Variants in FRMD1 observed in about 807,000 individuals in gnomAD.
The protein encoded by FRMD1 is FERM domain-containing protein 1.
A neutral mutation model predicts 54.9 loss-of-function variants in FRMD1; 51 were observed. The ratio of observed to expected loss-of-function variants is 0.93; its 90% CI spans 0.74 to 1.17. The LOEUF is 1.17. Among genes scored for constraint, FRMD1 ranks in the 50% most tolerant of loss-of-function variants. FRMD1 has a pLI of 0.00. For missense variants in FRMD1, 729 were observed against 743.0 expected (o/e 0.98, Z 0.22); for synonymous variants, 324 against 306.4 (o/e 1.06, Z -0.60).
chr6:168,065,137 C>A, intron 4 of FRMD1, 80 bp from the exon 5 acceptor site: 1 of 1,500,430 alleles, frequency 6.7e-7, no homozygotes, highest in African/African-American at 1.4e-5. Context: ...TGTCCCTCCC[C>A]ACACCAGCTC....
At chr6:168,067,209 A>C in intron 3 of FRMD1, 158 bp downstream of exon 3, 1 of 648,274 alleles carries the variant, frequency 1.5e-6, no homozygotes. Context: ...GCATCCCACC[A>C]CTGTCCACCG....
At chr6:168,087,622 G>A (rs1562435933) in intron 1 of FRMD1, among the ~76,000 whole-genome samples, 1 of 152,232 alleles carries the variant, frequency 6.6e-6, no homozygotes, top group Non-Finnish European at 1.5e-5. Context: ...GTGGACTGGC[G>A]TGTGCAATGC....
At chr6:168,062,763 G>T (rs1029664303) in intron 7 of FRMD1, 131 bp downstream of exon 7, 1 of 1,584,604 alleles carries the variant, frequency 6.3e-7, no homozygotes, top group South Asian at 1.1e-5. Flanking sequence ...GAGGCAGGGC[G>T]CGTCCAGGCA....
intron 8 of FRMD1, among the ~76,000 whole-genome samples, chr6:168,061,430 C>G (rs927333685): frequency 6.6e-6 from 1 of 151,438 alleles, no homozygotes; most frequent in Admixed American, 6.6e-5. Context: ...GCCTTGTGCT[C>G]AGGTGAGGAT....
At chr6:168,090,288 G>T (rs545398649) in intron 1 of FRMD1, among the ~76,000 whole-genome samples, 1 of 152,160 alleles carries the variant, frequency 6.6e-6, no homozygotes, top group African/African-American at 2.4e-5. Flanking sequence ...CCTGCTCAAA[G>T]CCCACAGACG....
chr6:168,063,722 C>G lies in FRMD1; in HGVS notation c.683G>C (p.Arg228Pro), dbSNP rs73028318. The change falls in exon 6 of 11, where the codon CGG becomes CCG. Residue 228 changes from arginine to proline, a missense_variant. Arg to Pro is a moderately radical substitution (Grantham distance 103). Coordinates refer to ENST00000283309, the MANE Select transcript of FRMD1 (RefSeq NM_024919.6). ...CTCACGGTGCAGGGTAGGCATGTGC[C>G]GGAGGATGTAGTCAATCCCCCTCTT... ...ITKRGIDYIL[R>P]HMPTLHRERQ... 1.9e-6 allele frequency: 3 copies of G among 1,613,438 alleles called. No individual in the cohort carries two copies. The highest frequency in any genetic ancestry group is 1.1e-5 in the South Asian group (1 of 91,026).
chr6:168,071,451 C>T (rs1583193327), intron 2 of FRMD1, among the ~76,000 whole-genome samples: 1 of 152,316 alleles, frequency 6.6e-6, no homozygotes, highest in Admixed American at 6.5e-5. Context: ...GGCCCTGGGG[C>T]CACAGGGCTC....
chr6:168,073,825 T>C (rs1562424419), intron 2 of FRMD1, among the ~76,000 whole-genome samples: 1 of 151,986 alleles, frequency 6.6e-6, no homozygotes, highest in East Asian at 1.9e-4. Context: ...GGTTCCGGTG[T>C]CCCGTGCAGG....
At position 168,070,873 on chromosome 6, in the gene FRMD1, G is replaced by A. The variant is rs193007142; in HGVS notation, c.305-3427C>T. 1.2e-3 allele frequency among the ~76,000 whole-genome samples: 187 copies of A among 152,330 alleles called. 1 individual carries two copies. In the Middle Eastern group the frequency reaches 0.017, roughly 14 times the overall value. Reference sequence around the variant, plus strand: ...TGCTGCTGGAAGGGGAGATTCTGGCGTTGGCTACAGGCTCCCCTGAACCCA... The same window carrying A: ...TGCTGCTGGAAGGGGAGATTCTGGCATTGGCTACAGGCTCCCCTGAACCCA... On this transcript the variant is annotated intron_variant, in intron 2 of 10. Coordinates refer to ENST00000283309, the MANE Select transcript of FRMD1 (RefSeq NM_024919.6).
rs192470436 is a variant in FRMD1, at chr6:168,079,172, C to T, written c.-78G>A. On this transcript the variant is annotated 5_prime_UTR_variant, in exon 1 of 11. Coordinates refer to ENST00000283309, the MANE Select transcript of FRMD1 (RefSeq NM_024919.6). The stretch of plus-strand genomic sequence containing the variant: ...CCTCCCAGATCACAGCTGTGCTTTC[C>T]GGGACCCGCCCTTGCCGAGCTTCTC... The T allele has an allele frequency of 1.0e-4, 150 of 1,448,694 alleles. No homozygotes were observed. In the African/African-American group the frequency reaches 1.6e-3, roughly 15 times the overall value. The allele number at this position is 1,448,694 out of a possible 1,614,324, so 89.7% of individuals were successfully genotyped here. A position where few individuals can be genotyped will look rare whatever the true frequency, so the allele number is the denominator to read the frequency against.
intron 1 of FRMD1, among the ~76,000 whole-genome samples, chr6:168,087,539 T>C (rs892351385): frequency 1.3e-5 from 2 of 152,140 alleles, no homozygotes; most frequent in Non-Finnish European, 2.9e-5. Flanking sequence ...GACGGCTCTG[T>C]GGGGAGAACG....
chr6:168,082,282 A>C (rs963708766), upstream of FRMD1, among the ~76,000 whole-genome samples: 15 of 152,178 alleles, frequency 9.9e-5, no homozygotes, highest in African/African-American at 2.9e-4. Context: ...GTGGATGAGG[A>C]GTCTGGGCTC....
At chr6:168,065,132 C>T (rs2114977520) in intron 4 of FRMD1, 75 bp from the exon 5 acceptor site, 2 of 1,508,746 alleles carry the variant, frequency 1.3e-6, no homozygotes, top group Non-Finnish European at 1.8e-6. Context: ...TGCCTTGTCC[C>T]TCCCCACACC....
In FRMD1 at chr6:168,057,299, C is replaced by G. The variant is rs925708119; in HGVS notation, c.1448G>C (p.Ser483Thr). Reference protein sequence around the residue: ...MTAGVSEEQHSHGLDDMQLHQ... With the variant: ...MTAGVSEEQHTHGLDDMQLHQ... ...CAGCTGCATGTCGTCCAGGCCATGG[C>G]TGTGCTGCTCCTCACTGACCCCGGC... The change falls in exon 11 of 11, where the codon AGC (serine) becomes ACC (threonine). Residue 483 changes from serine (S) to threonine (T), a missense_variant. Coordinates refer to ENST00000283309, the MANE Select transcript of FRMD1 (RefSeq NM_024919.6). The G allele has an allele frequency of 2.5e-6, 4 of 1,612,072 alleles. No homozygotes were observed. Among genetic ancestry groups the G allele is most frequent in the African/African-American group, 2.7e-5 (2 of 74,924 alleles).
chr6:168,076,459 T>C (rs903876010), intron 1 of FRMD1, among the ~76,000 whole-genome samples: 6 of 152,114 alleles, frequency 3.9e-5, no homozygotes, highest in Admixed American at 1.3e-4. Flanking sequence ...AGTGAGCCGG[T>C]GGGAGGTGAC....
rs766370593 is a variant in FRMD1 at position 168,064,898 on chromosome 6, G to A, written c.621C>T (p.Phe207=). The change falls in exon 5 of 11, where the codon TTC becomes TTT. Residue 207 remains phenylalanine (F), a synonymous_variant. Transcript: ENST00000283309. ...HRESAHAGRY[F]EPHSYFPQWI... ...ACTGTGGGAAGTAGGAGTGTGGCTC[G>A]AAGTACCTCCCGGCATGGGCCGACT... 1.0e-5 allele frequency: 16 copies of A among 1,584,846 alleles called. No homozygotes were observed. Among genetic ancestry groups the A allele is most frequent in the South Asian group, 4.6e-5 (4 of 87,364 alleles).
chr6:168,077,023 GAC>G (rs1465705211), intron 1 of FRMD1, among the ~76,000 whole-genome samples: 1 of 152,170 alleles, frequency 6.6e-6, no homozygotes, highest in Non-Finnish European at 1.5e-5. Flanking sequence ...TCCAACTGCA[GAC>G]ACAGATGCAT....
Position 168,091,759 on chromosome 6 carries a change from G to A in FRMD1, c.-12+9666C>T, listed in dbSNP as rs529085740. Among the ~76,000 whole-genome samples the A allele has an allele frequency of 1.1e-4, 17 of 152,360 alleles. No homozygotes were observed. The South Asian group carries it at 3.5e-3, about 32-fold the overall frequency. On this transcript the variant is annotated intron_variant, in intron 1 of 12. Coordinates refer to the FRMD1 transcript ENST00000644440. ...GAATCATAGCTCCTCAGACAGACAG[G>A]CTGGGATGCTACTCCGCGGAAGCGA...
upstream of FRMD1, among the ~76,000 whole-genome samples, chr6:168,082,994 G>T (rs1800861610): frequency 6.6e-6 from 1 of 152,206 alleles, no homozygotes; most frequent in African/African-American, 2.4e-5. Flanking sequence ...TCCAAGCCTG[G>T]CCCAGGGGCA....
Sources: allele counts gnomAD v4.1 joint callset (sites outside exome capture counted in the v4.1 genomes callset), GRCh38; gene constraint gnomAD v4.1.1; transcripts MANE v1.5; gene names NCBI Gene and HGNC (gene_info 2026-07-23, HGNC 2026-07-21).